Variants in NSL1 observed in about 807,000 individuals in gnomAD.
NSL1 encodes kinetochore-associated protein NSL1 homolog.
A neutral mutation model predicts 25.4 loss-of-function variants in NSL1; 11 were observed. The observed-to-expected ratio is 0.43, with a 90% CI of 0.27 to 0.72. The LOEUF (loss-of-function observed/expected upper bound fraction) is 0.72, where lower values mean the gene tolerates loss of function less well. Among genes scored for constraint, NSL1 ranks in the 30% least tolerant of loss-of-function variants. NSL1 has a pLI of 0.19. For missense variants in NSL1, 330 were observed against 342.7 expected (o/e 0.96, Z 0.29); for synonymous variants, 118 against 120.6 (o/e 0.98, Z 0.14).
intron 4 of NSL1, among the ~76,000 whole-genome samples, chr1:212,740,539 C>A (rs751141186): frequency 1.1e-4 from 17 of 151,916 alleles, no homozygotes; most frequent in Admixed American, 2.0e-4. Context: ...AACACCTTCT[C>A]AGAAAAATTT....
intron 4 of NSL1, among the ~76,000 whole-genome samples, chr1:212,774,161 A>G (rs964882963): frequency 2.6e-5 from 4 of 152,200 alleles, no homozygotes; most frequent in Non-Finnish European, 4.4e-5. Flanking sequence ...TAGAAGAATA[A>G]GACCCAGTGC....
In NSL1 at chr1:212,734,126, A is replaced by C. The variant is rs1218883450; in HGVS notation, c.*4282T>G. Among the ~76,000 whole-genome samples, 1 of 152,196 alleles carries C rather than the reference A, an allele frequency of 6.6e-6. No individual in the cohort carries two copies. Among genetic ancestry groups the C allele is most frequent in the Non-Finnish European group, 1.5e-5 (1 of 68,050 alleles). Reference sequence around the variant, plus strand: ...TTAATAGCATTCCGATTTTCCAAAAAATGTATGATTTTCTCTTCTTTCTGG... The same window carrying C: ...TTAATAGCATTCCGATTTTCCAAAACATGTATGATTTTCTCTTCTTTCTGG... On this transcript the variant is annotated 3_prime_UTR_variant, in exon 6 of 6. Coordinates refer to ENST00000366977, the MANE Select transcript of NSL1 (RefSeq NM_015471.4).
intron 2 of NSL1, among the ~76,000 whole-genome samples, chr1:212,787,039 T>G (rs1660976898): frequency 6.6e-6 from 1 of 151,946 alleles, no homozygotes; most frequent in Non-Finnish European, 1.5e-5. Flanking sequence ...GCCACATGCC[T>G]GTAATCCCAG....
Position 212,736,616 on chromosome 1 carries a change from A to G in NSL1, c.*1792T>C, listed in dbSNP as rs912611102. 7.1e-6 allele frequency: 7 copies of G among 985,284 alleles called. No individual in the cohort carries two copies. In the African/African-American group the frequency reaches 8.7e-5, roughly 12 times the overall value. The allele number at this position is 985,284 out of a possible 1,614,324, so 61.0% of individuals were successfully genotyped here. On this transcript the variant is annotated 3_prime_UTR_variant, in exon 6 of 6. Coordinates refer to ENST00000366977, the MANE Select transcript of NSL1 (RefSeq NM_015471.4). Reference sequence around the variant, plus strand: ...TGGTATTTCTATTTTAAACTCTGCTATAACTATGGAGTAAAACTTTGGGCT... The same window carrying G: ...TGGTATTTCTATTTTAAACTCTGCTGTAACTATGGAGTAAAACTTTGGGCT...
chr1:212,784,234 A>T (rs1008137868), intron 3 of NSL1, 129 bp downstream of exon 3: 24 of 571,000 alleles, frequency 4.2e-5, no homozygotes, highest in Non-Finnish European at 6.9e-5. Context: ...TACAAGAGAC[A>T]AACAATACTA....
At chr1:212,788,436 T>A (rs1456186574) in intron 1 of NSL1, among the ~76,000 whole-genome samples, 1 of 152,196 alleles carries the variant, frequency 6.6e-6, no homozygotes, top group East Asian at 1.9e-4. Context: ...ACTGTTGAGT[T>A]TGGTGGTGGA....
intron 4 of NSL1, among the ~76,000 whole-genome samples, chr1:212,758,159 T>C (rs1488825929): frequency 6.6e-6 from 1 of 152,198 alleles, no homozygotes; most frequent in Non-Finnish European, 1.5e-5. Flanking sequence ...GTGAAATAAA[T>C]CAGAAAATGT....
Position 212,728,805 on chromosome 1 carries a change from T to C in NSL1, c.*9603A>G. On this transcript the variant is annotated 3_prime_UTR_variant, in exon 6 of 6. Coordinates refer to ENST00000366977, the MANE Select transcript of NSL1 (RefSeq NM_015471.4). ...CTTCTGTTTTTCCTCTCACTCTGAC[T>C]CGAGGAGGGCCCTCAGCGCAGAGAA... 1 of 985,378 alleles carries C rather than the reference T, an allele frequency of 1.0e-6. No individual in the cohort carries two copies. Among genetic ancestry groups the C allele is most frequent in the Non-Finnish European group, 1.2e-6 (1 of 829,924 alleles). 61.0% of individuals were successfully genotyped at this position (985,378 alleles called of 1,614,324 possible). A position where few individuals can be genotyped will look rare whatever the true frequency, so the allele number is the denominator to read the frequency against.
chr1:212,748,190 T>G (rs1008102097), intron 4 of NSL1, among the ~76,000 whole-genome samples: 7 of 152,236 alleles, frequency 4.6e-5, no homozygotes, highest in South Asian at 2.1e-4. Context: ...AACTTTTTAC[T>G]TATCACTGAT....
At chr1:212,789,666 G>A (rs779310693) in intron 1 of NSL1, among the ~76,000 whole-genome samples, 3 of 152,168 alleles carry the variant, frequency 2.0e-5, no homozygotes, top group Non-Finnish European at 4.4e-5. Flanking sequence ...ACAAAATAAA[G>A]CTTCTGCTTT....
intron 4 of NSL1, among the ~76,000 whole-genome samples, chr1:212,742,005 T>G (rs1427377407): frequency 6.6e-6 from 1 of 152,160 alleles, no homozygotes; most frequent in Non-Finnish European, 1.5e-5. Flanking sequence ...TGCACTAATT[T>G]GTGTAGAATA....
Position 212,727,249 on chromosome 1 carries a change from A to G in NSL1, c.*11159T>C. The G allele has an allele frequency of 4.3e-6, 6 of 1,393,188 alleles. No individual in the cohort carries two copies. Among genetic ancestry groups the G allele is most frequent in the East Asian group, 2.9e-5 (1 of 35,072 alleles). 86.3% of individuals were successfully genotyped at this position (1,393,188 alleles called of 1,614,324 possible). A position where few individuals can be genotyped will look rare whatever the true frequency, so the allele number is the denominator to read the frequency against. On this transcript the variant is annotated 3_prime_UTR_variant, in exon 6 of 6. Coordinates refer to ENST00000366977, the MANE Select transcript of NSL1 (RefSeq NM_015471.4). The stretch of plus-strand genomic sequence containing the variant: ...TTCTGAAAACTATATATGGCTTTCA[A>G]GACTTGCCTTGAGACTCAGAGCTGT...
intron 3 of NSL1, among the ~76,000 whole-genome samples, chr1:212,783,320 C>A (rs1416730701): frequency 6.6e-6 from 1 of 150,980 alleles, no homozygotes; most frequent in African/African-American, 2.4e-5. Context: ...GGGGCAGTAA[C>A]AAGGGCAACA....
Position 212,731,970 on chromosome 1 carries a change from G to A in NSL1, c.*6438C>T. 1.0e-6 allele frequency: 1 copy of A among 984,404 alleles called. No individual in the cohort carries two copies. The highest frequency in any genetic ancestry group is 5.2e-4 in the Middle Eastern group (1 of 1,910). 61.0% of individuals were successfully genotyped at this position (984,404 alleles called of 1,614,324 possible). A position where few individuals can be genotyped will look rare whatever the true frequency, so the allele number is the denominator to read the frequency against. ...ACCAATGTCCATCTAACTGTTCAGT[G>A]CCTGTGCTGTACTAATTGCTAATTC... On this transcript the variant is annotated 3_prime_UTR_variant, in exon 6 of 6. Transcript: ENST00000366977.
chr1:212,755,113 A>C (rs201695344), intron 4 of NSL1, among the ~76,000 whole-genome samples: 3 of 152,238 alleles, frequency 2.0e-5, no homozygotes. Flanking sequence ...ACCATGAAAG[A>C]CAGCCAGTAT....
chr1:212,751,929 A>G (rs542890825), intron 4 of NSL1, among the ~76,000 whole-genome samples: 2 of 152,332 alleles, frequency 1.3e-5, no homozygotes, highest in East Asian at 3.9e-4. Context: ...CTGATATACA[A>G]GTATGTGACT....
At chr1:212,755,801 A>G (rs1659280962) in intron 4 of NSL1, among the ~76,000 whole-genome samples, 1 of 152,128 alleles carries the variant, frequency 6.6e-6, no homozygotes, top group South Asian at 2.1e-4. Context: ...TTTTACATTA[A>G]GCTTGCATTT....
At chr1:212,790,640 A>T (rs1228714430) in intron 1 of NSL1, among the ~76,000 whole-genome samples, 1 of 152,094 alleles carries the variant, frequency 6.6e-6, no homozygotes, top group Non-Finnish European at 1.5e-5. Context: ...AAAGGTTAAT[A>T]GGCCGGGCGA....
rs140675222 is a variant in NSL1, at chr1:212,733,433, C to CAAAAAAAAAAAAA, written c.*4962_*4974dup. Among the ~76,000 whole-genome samples the CAAAAAAAAAAAAA allele has an allele frequency of 7.4e-6, 1 of 135,900 alleles. No homozygotes were observed. Among genetic ancestry groups the CAAAAAAAAAAAAA allele is most frequent in the African/African-American group, 2.7e-5 (1 of 37,216 alleles). 89.2% of individuals were successfully genotyped at this position (135,900 alleles called of 152,430 possible). A position where few individuals can be genotyped will look rare whatever the true frequency, so the allele number is the denominator to read the frequency against. On this transcript the variant is annotated 3_prime_UTR_variant, in exon 6 of 6. Transcript: ENST00000366977. ...GGCAACACAGCAAGACCTTGTTTCA[C>CAAAAAAAAAAAAA]AAAAAAAAAAAAAAAAAAATCCCAT...
Sources: allele counts gnomAD v4.1 joint callset (sites outside exome capture counted in the v4.1 genomes callset), GRCh38; gene constraint gnomAD v4.1.1; transcripts MANE v1.5; gene names NCBI Gene and HGNC (gene_info 2026-07-23, HGNC 2026-07-21).